Variants in NOL4L observed in about 807,000 individuals in gnomAD.
NOL4L encodes the protein nucleolar protein 4 like.
NOL4L carries 7 observed loss-of-function variants against 64.5 expected under a neutral mutation model. The ratio of observed to expected loss-of-function variants is 0.11; its 90% CI spans 0.06 to 0.20. The LOEUF (loss-of-function observed/expected upper bound fraction) is 0.20. NOL4L is among the 10% of genes least tolerant of loss of function. The pLI is 1.00. For synonymous variants in NOL4L, 413 were observed against 401.0 expected, an observed-to-expected ratio of 1.03 and a Z score of -0.36; for missense variants, 680 against 967.1, an observed-to-expected ratio of 0.70 and a Z score of 3.94.
At chr20:32,482,251 T>C (rs1274309993) in intron 4 of NOL4L, among the ~76,000 whole-genome samples, 2 of 151,860 alleles carry the variant, frequency 1.3e-5, no homozygotes, top group Non-Finnish European at 2.9e-5. Flanking sequence ...GCTTTTGTGC[T>C]CTTGGGGAGA....
At chr20:32,578,803 C>T (rs1980291385) in intron 1 of NOL4L, among the ~76,000 whole-genome samples, 1 of 152,160 alleles carries the variant, frequency 6.6e-6, no homozygotes, top group Non-Finnish European at 1.5e-5. Flanking sequence ...GAGTTAGGAC[C>T]CCATAGGCCC....
intron 1 of NOL4L, among the ~76,000 whole-genome samples, chr20:32,546,766 C>T (rs933225746): frequency 5.9e-5 from 9 of 152,206 alleles, no homozygotes; most frequent in Non-Finnish European, 1.3e-4. Flanking sequence ...CTGGCCTGGG[C>T]AAGACATAGG....
At chr20:32,483,293 G>A (rs1013906297) in intron 4 of NOL4L, 38 of 913,282 alleles carry the variant, frequency 4.2e-5, no homozygotes, top group Admixed American at 6.2e-5. Context: ...GGCAGCAGCC[G>A]GAGAAGGGGG....
chr20:32,540,864 G>A (rs2018641057), intron 1 of NOL4L, among the ~76,000 whole-genome samples: 1 of 151,754 alleles, frequency 6.6e-6, no homozygotes, highest in Non-Finnish European at 1.5e-5. Context: ...CTGAGCCCTT[G>A]TCCAAGTCCC....
At chr20:32,489,003 A>C (rs2016341716) in intron 4 of NOL4L, among the ~76,000 whole-genome samples, 1 of 115,350 alleles carries the variant, frequency 8.7e-6, no homozygotes, top group African/African-American at 4.4e-5. Context: ...CTTTTTGGAA[A>C]TAAGGAAAAT....
At chr20:32,504,107 T>A in intron 4 of NOL4L, among the ~76,000 whole-genome samples, 1 of 152,302 alleles carries the variant, frequency 6.6e-6, no homozygotes, top group Non-Finnish European at 1.5e-5. Flanking sequence ...TTATTTTATA[T>A]GTATACATAA....
Position 32,452,385 on chromosome 20 carries a change from G to A in NOL4L, c.1673C>T (p.Thr558Ile), listed in dbSNP as rs2013012495. 2 of 1,612,044 alleles carry A rather than the reference G, an allele frequency of 1.2e-6. No individual in the cohort carries two copies. Among genetic ancestry groups the A allele is most frequent in the Admixed American group, 1.7e-5 (1 of 59,810 alleles). ...KQHSRDSAAI[T>I]HSTYSLPASS... is the part of the protein sequence containing the mutation. ...GGCTGGCAGTGAGTAGGTGGAGTGG[G>A]TGATGGCTGCGGAGTCCCGCGAGTG... Residue 558 changes from threonine (T) to isoleucine (I), a missense_variant, in exon 10 of 11, where the codon ACC (threonine) becomes ATC (isoleucine). This residue lies in a region of NOL4L where 175 missense variants were observed against 227.0 expected (regional missense o/e 0.77). Coordinates refer to ENST00000621426, the MANE Select transcript of NOL4L (RefSeq NM_001256798.2).
chr20:32,541,146 C>T (rs1012847616), intron 1 of NOL4L, among the ~76,000 whole-genome samples: 2 of 152,102 alleles, frequency 1.3e-5, no homozygotes, highest in Admixed American at 6.6e-5. Flanking sequence ...GATACTAGCC[C>T]GTGTCAGCCC....
At chr20:32,483,122 G>T (rs1482048764) in intron 4 of NOL4L, among the ~76,000 whole-genome samples, 2 of 122,704 alleles carry the variant, frequency 1.6e-5, no homozygotes, top group Non-Finnish European at 3.5e-5. Flanking sequence ...CTCCACTCTC[G>T]GGCACACTCA....
intron 5 of NOL4L, among the ~76,000 whole-genome samples, chr20:32,461,225 C>T (rs531717749): frequency 6.6e-6 from 1 of 152,146 alleles, no homozygotes; most frequent in South Asian, 2.1e-4. Flanking sequence ...GCCCTTCCAG[C>T]GAGCCCCTAT....
chr20:32,555,749 A>G (rs6119895), intron 1 of NOL4L, among the ~76,000 whole-genome samples: 15,048 of 152,154 alleles, frequency 0.099, 2,021 homozygotes, highest in African/African-American at 0.31. Context: ...GTGACTGTCC[A>G]CAAGCCAAGA....
chr20:32,580,407 T>C (rs1029246605), intron 1 of NOL4L, among the ~76,000 whole-genome samples: 2 of 152,168 alleles, frequency 1.3e-5, no homozygotes, highest in East Asian at 1.9e-4. Flanking sequence ...TCAGAGGCCA[T>C]TTCCCGCCCA....
At chr20:32,456,028 C>A in intron 6 of NOL4L, 90 bp downstream of exon 6, 4 of 1,353,942 alleles carry the variant, frequency 3.0e-6, no homozygotes, top group Non-Finnish European at 3.9e-6. Context: ...TGGGCTGGCT[C>A]CAGCTAAGCT....
At chr20:32,483,798 G>A (rs2015912674) in intron 4 of NOL4L, among the ~76,000 whole-genome samples, 1 of 138,796 alleles carries the variant, frequency 7.2e-6, no homozygotes, top group South Asian at 2.5e-4. Flanking sequence ...CCCAGGGAGA[G>A]GGGAGAGGAG....
intron 2 of NOL4L, among the ~76,000 whole-genome samples, chr20:32,523,383 T>C (rs982492234): frequency 3.9e-5 from 6 of 152,118 alleles, no homozygotes; most frequent in Non-Finnish European, 5.9e-5. Flanking sequence ...GGGACCTGTA[T>C]AGAGGATGAC....
Position 32,511,356 on chromosome 20 carries a change from G to A in NOL4L, c.690C>T (p.Ser230=), listed in dbSNP as rs1362144884. Residue 230 remains serine (S), a synonymous_variant, in exon 4 of 11, where the codon TCC becomes TCT. Coordinates refer to ENST00000621426, the MANE Select transcript of NOL4L (RefSeq NM_001256798.2). ...GAGACGGCCGCCTTACCTGCTCCTG[G>A]GAATTCATCACTCGAAGCTTCATCT... ...LKQMKLRVMN[S]QEQDETSVSS... 6.5e-7 allele frequency: 1 copy of A among 1,549,522 alleles called. No homozygotes were observed. The highest frequency in any genetic ancestry group is 1.2e-5 in the South Asian group (1 of 84,012).
chr20:32,555,137 C>G (rs6119894), intron 1 of NOL4L, among the ~76,000 whole-genome samples: 7,389 of 152,078 alleles, frequency 0.049, 568 homozygotes, highest in African/African-American at 0.17. Flanking sequence ...CCAGGCTGCT[C>G]CCTCTGCCTG....
chr20:32,584,861 C>T lies in NOL4L; in HGVS notation c.30G>A (p.Gly10=). MPKPTLLLR[G]GWERERSPGD... ...CGGGGCTGCGCTCGCGCTCCCAGCC[C>T]CCGCGCAGCAGCAGCGTCGGCTTCG... is the stretch of plus-strand genomic sequence containing the variant. Residue 10 remains glycine, a synonymous_variant, in exon 1 of 11, where the codon GGG becomes GGA. Coordinates refer to ENST00000621426, the MANE Select transcript of NOL4L (RefSeq NM_001256798.2). 1.4e-6 allele frequency: 2 copies of T among 1,419,040 alleles called. No individual in the cohort carries two copies. The highest frequency in any genetic ancestry group is 1.9e-6 in the Non-Finnish European group (2 of 1,077,526). The allele number at this position is 1,419,040 out of a possible 1,614,324, so 87.9% of individuals were successfully genotyped here.
chr20:32,488,141 G>C (rs934153103), intron 4 of NOL4L, among the ~76,000 whole-genome samples: 3 of 152,106 alleles, frequency 2.0e-5, no homozygotes, highest in African/African-American at 7.2e-5. Context: ...TGTTGTCCAG[G>C]CTGGTCTCAA....
Sources: allele counts gnomAD v4.1 joint callset (sites outside exome capture counted in the v4.1 genomes callset), GRCh38; gene constraint gnomAD v4.1.1; regional missense constraint gnomAD v4.1.1; transcripts MANE v1.5; gene names NCBI Gene and HGNC (gene_info 2026-07-23, HGNC 2026-07-21).